EVI5: variants seen among roughly 807,000 people sequenced by gnomAD.
EVI5 encodes ecotropic viral integration site 5.
In EVI5, 73 loss-of-function variants were observed where a neutral mutation model predicts 112.0. The observed-to-expected ratio is 0.65, with a 90% confidence interval of 0.54 to 0.79. EVI5 has a LOEUF of 0.79. Ranked by LOEUF, EVI5 falls within the 30% of genes least tolerant of loss-of-function variation. The pLI, the probability that EVI5 is intolerant of heterozygous loss-of-function variation, is 0.00. For synonymous variants in EVI5, 305 were observed against 319.9 expected (o/e 0.95, Z 0.50); for missense variants, 900 against 968.8 (o/e 0.93, Z 0.94).
intron 1 of EVI5, among the ~76,000 whole-genome samples, chr1:92,770,817 G>C (rs1467931137): frequency 6.6e-6 from 1 of 151,736 alleles, no homozygotes; most frequent in Non-Finnish European, 1.5e-5. Context: ...ACCTCCAAAA[G>C]TCTGGGTTTT....
chr1:92,630,670 T>C (rs549893793), intron 14 of EVI5, among the ~76,000 whole-genome samples: 3,947 of 152,090 alleles, frequency 0.026, 141 homozygotes, highest in African/African-American at 0.079. Flanking sequence ...CTCTTTAGTT[T>C]AATTAGATCC....
intron 9 of EVI5, among the ~76,000 whole-genome samples, chr1:92,692,877 T>C (rs964019646): frequency 2.6e-5 from 4 of 152,200 alleles, no homozygotes; most frequent in African/African-American, 7.2e-5. Flanking sequence ...GAAAGTACAG[T>C]ATCAGAAATG....
intron 18 of EVI5, among the ~76,000 whole-genome samples, chr1:92,566,087 T>C (rs1026823457): frequency 6.6e-6 from 1 of 152,026 alleles, no homozygotes; most frequent in African/African-American, 2.4e-5. Context: ...CTACCCTTAG[T>C]TTGTTCTTCA....
At position 92,712,219 on chromosome 1, in the gene EVI5, G is replaced by T. The variant is rs564052224; in HGVS notation, c.150-7475C>A. On this transcript the variant is annotated intron_variant, in intron 2 of 19. Coordinates refer to ENST00000684568, the MANE Select transcript of EVI5 (RefSeq NM_001350197.2). Reference sequence around the variant, plus strand: ...CACAAATTCATGTCTCAGAGCAATAGAAATACTGTAACAATGAGAGAATTC... The same window carrying T: ...CACAAATTCATGTCTCAGAGCAATATAAATACTGTAACAATGAGAGAATTC... Among the ~76,000 whole-genome samples, 12 of 152,244 alleles carry T rather than the reference G, an allele frequency of 7.9e-5. No homozygotes were observed. The South Asian group carries it at 2.5e-3, about 32-fold the overall frequency.
intron 13 of EVI5, among the ~76,000 whole-genome samples, chr1:92,659,227 CAACAAA>C (rs1397012983): frequency 1.3e-5 from 2 of 151,980 alleles, no homozygotes; most frequent in Non-Finnish European, 2.9e-5. Flanking sequence ...AAAGCAAATG[CAACAAA>C]AACAAAAATA....
intron 19 of EVI5, among the ~76,000 whole-genome samples, chr1:92,552,418 T>C (rs760742714): frequency 5.3e-5 from 8 of 152,224 alleles, no homozygotes; most frequent in Non-Finnish European, 7.3e-5. Context: ...ATACTCTCTA[T>C]CAGTGCCAAC....
chr1:92,675,820 G>C (rs1369434526), intron 10 of EVI5, among the ~76,000 whole-genome samples: 2 of 151,878 alleles, frequency 1.3e-5, no homozygotes, highest in African/African-American at 4.8e-5. Flanking sequence ...GGCGGGCTTG[G>C]TGGCGGGCGC....
chr1:92,610,055 T>A (rs1264344638), intron 16 of EVI5, among the ~76,000 whole-genome samples: 1 of 152,156 alleles, frequency 6.6e-6, no homozygotes, highest in East Asian at 1.9e-4. Flanking sequence ...CCAGATAATT[T>A]TTTTTATTTT....
intron 19 of EVI5, among the ~76,000 whole-genome samples, chr1:92,530,714 T>A (rs1176318021): frequency 6.6e-6 from 1 of 151,626 alleles, no homozygotes; most frequent in Non-Finnish European, 1.5e-5. Flanking sequence ...GAAGGAAAAC[T>A]AACAAGCAGA....
intron 16 of EVI5, among the ~76,000 whole-genome samples, chr1:92,618,853 A>C (rs1003946548): frequency 6.6e-6 from 1 of 152,204 alleles, no homozygotes. Flanking sequence ...CTAAGAAAAT[A>C]TATTTTATCA....
At chr1:92,770,798 G>C (rs1407311588) in intron 1 of EVI5, among the ~76,000 whole-genome samples, 1 of 151,604 alleles carries the variant, frequency 6.6e-6, no homozygotes, top group Non-Finnish European at 1.5e-5. Context: ...TCAAAAAAAA[G>C]AAAAAGAAAC....
chr1:92,744,417 T>C (rs747192992), intron 1 of EVI5, among the ~76,000 whole-genome samples: 2 of 152,196 alleles, frequency 1.3e-5, no homozygotes, highest in Non-Finnish European at 2.9e-5. Context: ...CCAACTATAA[T>C]AGTGAATTTG....
intron 18 of EVI5, 24 bp from the exon 19 acceptor site, chr1:92,563,761 G>A (rs779120331): frequency 1.3e-6 from 2 of 1,503,876 alleles, no homozygotes; most frequent in Non-Finnish European, 1.8e-6. Context: ...AAACAACAAA[G>A]CAAAAACAAG....
rs1169346756 is a variant in EVI5 at position 92,509,896 on chromosome 1, C to A, written c.*3760G>T. 1 of 152,164 alleles carries A rather than the reference C, an allele frequency of 6.6e-6. No homozygotes were observed. Among genetic ancestry groups the A allele is most frequent in the Non-Finnish European group, 1.5e-5 (1 of 68,044 alleles). The allele number at this position is 152,164 out of a possible 1,614,324, so 9.4% of individuals were successfully genotyped here. ...CAACTCTAAGTGTTTAACTTAATAA[C>A]ATTCAAATATCACAAAATGTCAGTA... is the stretch of plus-strand genomic sequence containing the variant. On this transcript the variant is annotated 3_prime_UTR_variant, in exon 20 of 20. Transcript: ENST00000684568.
intron 18 of EVI5, among the ~76,000 whole-genome samples, chr1:92,591,549 CAAG>C (rs1331933971): frequency 1.3e-5 from 2 of 152,196 alleles, no homozygotes; most frequent in African/African-American, 4.8e-5. Context: ...ATCAATTCAA[CAAG>C]AAGACCTAAC....
chr1:92,762,011 T>C (rs899928212), intron 1 of EVI5, among the ~76,000 whole-genome samples: 5 of 152,216 alleles, frequency 3.3e-5, no homozygotes, highest in African/African-American at 1.2e-4. Flanking sequence ...TCAAGTTATG[T>C]CTTTCACTTA....
At chr1:92,605,442 G>T in intron 17 of EVI5, 40 bp from the exon 18 acceptor site, 2 of 1,357,688 alleles carry the variant, frequency 1.5e-6, no homozygotes, top group African/African-American at 1.4e-5. Context: ...TAAACCAGGT[G>T]TGTTTGGAAT....
At chr1:92,589,240 T>C (rs887779865) in intron 18 of EVI5, among the ~76,000 whole-genome samples, 1 of 152,154 alleles carries the variant, frequency 6.6e-6, no homozygotes, top group Non-Finnish European at 1.5e-5. Context: ...ACTGCGTTCA[T>C]CTCACTGGGG....
Position 92,510,566 on chromosome 1 carries a change from T to C in EVI5, c.*3090A>G, listed in dbSNP as rs1234604201. On this transcript the variant is annotated 3_prime_UTR_variant, in exon 20 of 20. Transcript: ENST00000684568. ...TAAATTGAAGAAGAAAAACCTGCAT[T>C]TTAGAGTATCTGTTATCAAGGGTTA... 1 of 152,210 alleles carries C rather than the reference T, an allele frequency of 6.6e-6. No homozygotes were observed. Among genetic ancestry groups the C allele is most frequent in the East Asian group, 1.9e-4 (1 of 5,200 alleles). The allele number at this position is 152,210 out of a possible 1,614,324, so 9.4% of individuals were successfully genotyped here. A position where few individuals can be genotyped will look rare whatever the true frequency, so the allele number is the denominator to read the frequency against.
Sources: allele counts gnomAD v4.1 joint callset (sites outside exome capture counted in the v4.1 genomes callset), GRCh38; gene constraint gnomAD v4.1.1; transcripts MANE v1.5; gene names NCBI Gene and HGNC (gene_info 2026-07-23, HGNC 2026-07-21).